SRPK2: variants seen among roughly 807,000 people sequenced by gnomAD.
The protein encoded by SRPK2 is SFRS protein kinase 2.
A neutral mutation model predicts 90.8 loss-of-function variants in SRPK2; 21 were observed. The observed-to-expected ratio is 0.23, with a 90% confidence interval of 0.16 to 0.33. SRPK2 has a LOEUF of 0.33. SRPK2 is among the 10% of genes least tolerant of loss of function. SRPK2 has a pLI of 1.00. For missense variants in SRPK2, 620 were observed against 869.0 expected, an observed-to-expected ratio of 0.71 and a Z score of 3.60; for synonymous variants, 288 against 311.1, an observed-to-expected ratio of 0.93 and a Z score of 0.78.
chr7:105,398,272 TA>T (rs1822383188), intron 1 of SRPK2, among the ~76,000 whole-genome samples: 1 of 152,130 alleles, frequency 6.6e-6, no homozygotes, highest in African/African-American at 2.4e-5. Context: ...GTGGAGTCAC[TA>T]AATCATGTTG....
chr7:105,141,998 A>C lies in SRPK2; in HGVS notation c.1543+10T>G. 6.3e-7 allele frequency: 1 copy of C among 1,596,544 alleles called. No individual in the cohort carries two copies. Among genetic ancestry groups the C allele is most frequent in the Non-Finnish European group, 8.5e-7 (1 of 1,170,924 alleles). Reference sequence around the variant, plus strand: ...GCGATGGCAGACAGTTGATGGGAAGAAACACTTACCTTTTGGCAAATCCCC... The same window carrying C: ...GCGATGGCAGACAGTTGATGGGAAGCAACACTTACCTTTTGGCAAATCCCC... On this transcript the variant is annotated intron_variant, in intron 11 of 15. Transcript: ENST00000393651.
chr7:105,355,054 T>C (rs541587135), intron 2 of SRPK2, among the ~76,000 whole-genome samples: 6 of 152,354 alleles, frequency 3.9e-5, no homozygotes, highest in African/African-American at 1.4e-4. Flanking sequence ...GATATATCCA[T>C]GTTGTAGCAT....
intron 15 of SRPK2, among the ~76,000 whole-genome samples, chr7:105,118,818 GGA>G (rs1799924748): frequency 6.6e-6 from 1 of 152,100 alleles, no homozygotes; most frequent in African/African-American, 2.4e-5. Context: ...GGCTGAGGCA[GGA>G]GCATTGCTTG....
At chr7:105,208,719 T>C (rs916573882) in intron 2 of SRPK2, among the ~76,000 whole-genome samples, 1 of 152,208 alleles carries the variant, frequency 6.6e-6, no homozygotes, top group South Asian at 2.1e-4. Context: ...AATGTCCTAA[T>C]GTGGTGATGG....
At chr7:105,357,889 C>T (rs750765779) in intron 2 of SRPK2, among the ~76,000 whole-genome samples, 6 of 152,050 alleles carry the variant, frequency 3.9e-5, no homozygotes, top group Non-Finnish European at 8.8e-5. Context: ...CCTTGAACAA[C>T]GCAGGGATTA....
chr7:105,310,105 G>C (rs1811544962), intron 2 of SRPK2, among the ~76,000 whole-genome samples: 1 of 152,200 alleles, frequency 6.6e-6, no homozygotes. Context: ...AGAGGCGCCA[G>C]GCTGCAGCAG....
intron 3 of SRPK2, among the ~76,000 whole-genome samples, chr7:105,201,296 G>C (rs767813861): frequency 3.9e-5 from 6 of 152,056 alleles, no homozygotes; most frequent in African/African-American, 7.2e-5. Flanking sequence ...CCAAATTTGG[G>C]GGGGGCTGGC....
At chr7:105,308,926 C>T (rs1212927374) in intron 2 of SRPK2, among the ~76,000 whole-genome samples, 2 of 152,118 alleles carry the variant, frequency 1.3e-5, no homozygotes, top group Non-Finnish European at 2.9e-5. Flanking sequence ...ACCCCTCATA[C>T]TTTCCTAATC....
intron 2 of SRPK2, among the ~76,000 whole-genome samples, chr7:105,384,881 C>CT (rs139772496): frequency 0.17 from 25,395 of 145,254 alleles, 2,813 homozygotes; most frequent in East Asian, 0.58. Context: ...ACATAGCAAC[C>CT]TTTTTTTTTT....
intron 2 of SRPK2, among the ~76,000 whole-genome samples, chr7:105,373,599 C>T (rs569726475): frequency 2.0e-5 from 3 of 152,068 alleles, no homozygotes; most frequent in East Asian, 1.9e-4. Flanking sequence ...CATGGGGTTT[C>T]GTCATGTTGG....
At chr7:105,351,104 T>C (rs1285406961) in intron 2 of SRPK2, among the ~76,000 whole-genome samples, 2 of 152,064 alleles carry the variant, frequency 1.3e-5, no homozygotes, top group Non-Finnish European at 2.9e-5. Flanking sequence ...GAATGGAACC[T>C]ATTCATGGAT....
chr7:105,122,414 A>G (rs762164123), intron 15 of SRPK2, among the ~76,000 whole-genome samples: 2 of 152,194 alleles, frequency 1.3e-5, no homozygotes, highest in Non-Finnish European at 2.9e-5. Context: ...TAATAGCCAA[A>G]AAGTGGGGGA....
At chr7:105,387,705 A>G (rs752538093) in intron 2 of SRPK2, among the ~76,000 whole-genome samples, 2 of 152,232 alleles carry the variant, frequency 1.3e-5, no homozygotes, top group Non-Finnish European at 2.9e-5. Context: ...GATGCCACAC[A>G]GAGTATTCTT....
intron 2 of SRPK2, among the ~76,000 whole-genome samples, chr7:105,221,078 C>A (rs1274370643): frequency 6.6e-6 from 1 of 152,102 alleles, no homozygotes; most frequent in African/African-American, 2.4e-5. Context: ...TTACTAAACC[C>A]ACACACCAGT....
chr7:105,175,926 A>G (rs572275806), intron 3 of SRPK2, among the ~76,000 whole-genome samples: 1 of 152,304 alleles, frequency 6.6e-6, no homozygotes, highest in Admixed American at 6.5e-5. Flanking sequence ...TGAAAAAAAT[A>G]CTACAAATTC....
intron 2 of SRPK2, among the ~76,000 whole-genome samples, chr7:105,304,876 A>AC (rs1320488225): frequency 6.6e-6 from 1 of 152,156 alleles, no homozygotes; most frequent in Non-Finnish European, 1.5e-5. Flanking sequence ...GACTAGGGAC[A>AC]CCCTCTTCAC....
At chr7:105,285,385 C>CAG (rs1807943814) in intron 2 of SRPK2, among the ~76,000 whole-genome samples, 2 of 106,208 alleles carry the variant, frequency 1.9e-5, no homozygotes, top group African/African-American at 7.2e-5. Context: ...ACCCCGTCTC[C>CAG]AAAAAAAAAA....
intron 2 of SRPK2, among the ~76,000 whole-genome samples, chr7:105,386,208 G>A (rs971272215): frequency 1.3e-5 from 2 of 151,682 alleles, no homozygotes; most frequent in African/African-American, 4.8e-5. Flanking sequence ...CAGCTACTCA[G>A]GAGGCTGAGG....
At chr7:105,181,803 A>G (rs1397428591) in intron 3 of SRPK2, among the ~76,000 whole-genome samples, 1 of 151,626 alleles carries the variant, frequency 6.6e-6, no homozygotes, top group Non-Finnish European at 1.5e-5. Flanking sequence ...AATAATCTAT[A>G]CACCAAATCC....
Sources: gnomAD v4.1 joint callset for allele counts (sites outside exome capture counted in the v4.1 genomes callset) on GRCh38, gnomAD v4.1.1 for gene constraint, MANE v1.5 for transcripts, NCBI Gene and HGNC (gene_info 2026-07-23, HGNC 2026-07-21) for gene names.